The following CNNM2 variants were observed in gnomAD, a reference collection of about 807,000 sequenced individuals.
The protein encoded by CNNM2 is metal transporter CNNM2.
CNNM2 carries 12 observed loss-of-function variants against 66.9 expected under a neutral mutation model. That is an observed-to-expected ratio of 0.18 (90% CI 0.11 to 0.29). The LOEUF (loss-of-function observed/expected upper bound fraction) is 0.29, where lower values mean the gene tolerates loss of function less well. Among genes scored for constraint, CNNM2 ranks in the 10% least tolerant of loss-of-function variants. The pLI is 1.00. For missense variants in CNNM2, 705 were observed against 1,167.7 expected, an observed-to-expected ratio of 0.60 and a Z score of 5.77; for synonymous variants, 557 against 501.8, an observed-to-expected ratio of 1.11 and a Z score of -1.47.
At chr10:103,039,068 G>A (rs1038589128) in intron 1 of CNNM2, among the ~76,000 whole-genome samples, 3 of 152,010 alleles carry the variant, frequency 2.0e-5, no homozygotes, top group Non-Finnish European at 1.5e-5. Context: ...GAAATAGCTA[G>A]GTGATAGTTT....
chr10:103,041,661 A>G (rs1468842968), intron 1 of CNNM2, among the ~76,000 whole-genome samples: 1 of 152,322 alleles, frequency 6.6e-6, no homozygotes, highest in African/African-American at 2.4e-5. Context: ...TATCTCCAGC[A>G]TCTTCTGTCG....
rs565045884 is a variant in CNNM2, at chr10:103,063,838, A to G, written c.2074-4791A>G. On this transcript the variant is annotated intron_variant, in intron 4 of 7. Transcript: ENST00000369878. ...TGTTTCAAAAGTAAAATCAATATGTAGCTTCCTTATATGGAAAAAGTTGTT... is the reference window on the plus strand; with the variant it reads ...TGTTTCAAAAGTAAAATCAATATGTGGCTTCCTTATATGGAAAAAGTTGTT... Among the ~76,000 whole-genome samples the G allele has an allele frequency of 6.6e-5, 10 of 152,352 alleles. No individual in the cohort carries two copies. In the East Asian group the frequency reaches 1.9e-3, roughly 29 times the overall value.
At chr10:102,947,966 T>C (rs891783266) in intron 1 of CNNM2, among the ~76,000 whole-genome samples, 7 of 152,112 alleles carry the variant, frequency 4.6e-5, no homozygotes, top group Admixed American at 2.0e-4. Context: ...GGCAGGAGAA[T>C]GGCGTGAACC....
At chr10:102,944,966 T>G (rs1020859203) in intron 1 of CNNM2, among the ~76,000 whole-genome samples, 1 of 140,826 alleles carries the variant, frequency 7.1e-6, no homozygotes, top group Non-Finnish European at 1.6e-5. Context: ...AATATGGTTT[T>G]GTTTTGTTTT....
At position 103,026,601 on chromosome 10, in the gene CNNM2, CAAA is replaced by C. The variant is rs887780071; in HGVS notation, c.1622-23084_1622-23082del. 9.9e-3 allele frequency among the ~76,000 whole-genome samples: 645 copies of C among 64,854 alleles called. 9 individuals carry two copies. In the East Asian group the frequency reaches 0.11, roughly 11 times the overall value. 42.5% of individuals were successfully genotyped at this position (64,854 alleles called of 152,430 possible). The stretch of plus-strand genomic sequence containing the variant: ...TAGGGACAGAGTGAGACCTTGTCTT[CAAA>C]AAAAAAAAAAAAAAAAAAAAAGGTT... On this transcript the variant is annotated intron_variant, in intron 1 of 7. Transcript: ENST00000369878.
chr10:103,054,538 G>A lies in CNNM2; in HGVS notation c.1903+72G>A. ...GTGTTTCTCACCCACCACTGACTGGGGTGGGTTGGGGGTGGACACTGGGAA... is the reference window on the plus strand; with the variant it reads ...GTGTTTCTCACCCACCACTGACTGGAGTGGGTTGGGGGTGGACACTGGGAA... On this transcript the variant is annotated intron_variant, in intron 3 of 7. Transcript: ENST00000369878. The surrounding 1 kb of genome is among the most constrained non-coding windows in gnomAD (Gnocchi z 5.2). 6.5e-7 allele frequency: 1 copy of A among 1,542,130 alleles called. No individual in the cohort carries two copies. The highest frequency in any genetic ancestry group is 8.8e-7 in the Non-Finnish European group (1 of 1,131,166).
At chr10:102,987,344 G>A (rs970591596) in intron 1 of CNNM2, among the ~76,000 whole-genome samples, 2 of 151,888 alleles carry the variant, frequency 1.3e-5, no homozygotes, top group Non-Finnish European at 2.9e-5. Context: ...ATTTTGAGAC[G>A]GAGTCTCGCT....
In CNNM2 at chr10:102,975,648, T is replaced by C. The variant is rs79562142; in HGVS notation, c.1621+55547T>C. On this transcript the variant is annotated intron_variant, in intron 1 of 7. Transcript: ENST00000369878. ...CCAAGTATGTCAAAACTTGTGTCTG[T>C]GTTGGCAGGACCTGTGAAGCACTCC... is the stretch of plus-strand genomic sequence containing the variant. Among the ~76,000 whole-genome samples the C allele has an allele frequency of 0.015, 2,302 of 152,248 alleles. 60 individuals are homozygous for C. The highest frequency in any genetic ancestry group is 0.052 in the African/African-American group (2,146 of 41,526).
chr10:103,040,626 G>GA (rs1424156106), intron 1 of CNNM2, among the ~76,000 whole-genome samples: 1 of 152,186 alleles, frequency 6.6e-6, no homozygotes, highest in Non-Finnish European at 1.5e-5. Context: ...CACAAAGGTG[G>GA]ATCCGGAGTT....
intron 1 of CNNM2, among the ~76,000 whole-genome samples, chr10:102,971,343 G>A (rs1342458941): frequency 3.3e-5 from 5 of 151,804 alleles, no homozygotes; most frequent in Non-Finnish European, 7.4e-5. Context: ...TGTAGATGAA[G>A]GTATCACGTT....
intron 1 of CNNM2, among the ~76,000 whole-genome samples, chr10:102,963,436 A>G (rs1312202827): frequency 6.6e-6 from 1 of 152,094 alleles, no homozygotes; most frequent in African/African-American, 2.4e-5. Context: ...CAGACACCCA[A>G]TATCATGTTT....
chr10:103,008,314 T>A (rs1322855234), intron 1 of CNNM2, among the ~76,000 whole-genome samples: 1 of 152,166 alleles, frequency 6.6e-6, no homozygotes, highest in Non-Finnish European at 1.5e-5. Context: ...TCCTCAAACA[T>A]TAAGAATTTC....
intron 1 of CNNM2, among the ~76,000 whole-genome samples, chr10:103,023,266 A>G (rs185500492): frequency 4.0e-4 from 61 of 152,266 alleles, no homozygotes; most frequent in African/African-American, 1.4e-3. Context: ...CTCGCCCAAC[A>G]CTGGGCCTGG....
rs189058665 is a variant in CNNM2 at position 102,926,403 on chromosome 10, C to T, written c.1621+6302C>T. ...TCTCTTGGTTTTTATGGGGATTACA[C>T]ACTATCTTTCCTGAAGCATTCTTAA... On this transcript the variant is annotated intron_variant, in intron 1 of 7. Transcript: ENST00000369878. 3.3e-5 allele frequency among the ~76,000 whole-genome samples: 5 copies of T among 152,280 alleles called. No homozygotes were observed. The East Asian group carries it at 9.6e-4, about 29-fold the overall frequency.
At chr10:103,069,262 A>G (rs1372035714) in intron 5 of CNNM2, among the ~76,000 whole-genome samples, 1 of 152,082 alleles carries the variant, frequency 6.6e-6, no homozygotes, top group African/African-American at 2.4e-5. Flanking sequence ...GGCTACTGTC[A>G]ATATGTGGCT....
At chr10:103,031,641 C>A (rs1348542446) in intron 1 of CNNM2, among the ~76,000 whole-genome samples, 1 of 152,140 alleles carries the variant, frequency 6.6e-6, no homozygotes, top group East Asian at 1.9e-4. Context: ...GGTAGAAAGA[C>A]TTGCATGCAG....
At chr10:102,950,968 ATTCT>A (rs1055526960) in intron 1 of CNNM2, among the ~76,000 whole-genome samples, 2 of 146,152 alleles carry the variant, frequency 1.4e-5, no homozygotes, top group Admixed American at 6.9e-5. Flanking sequence ...GGCAATAGGA[ATTCT>A]TTCTTTCTCT....
rs536861619 is a variant in CNNM2, at chr10:103,066,797, A to G, written c.2074-1832A>G. ...TCATGTGCTCGCCTGTCCCTGCTGCATGGTCAGCCCGTGGGGGATGACGGC... is the reference window on the plus strand; with the variant it reads ...TCATGTGCTCGCCTGTCCCTGCTGCGTGGTCAGCCCGTGGGGGATGACGGC... On this transcript the variant is annotated intron_variant, in intron 4 of 7. Transcript: ENST00000369878. Among the ~76,000 whole-genome samples the G allele has an allele frequency of 5.3e-5, 8 of 152,232 alleles. No individual in the cohort carries two copies. In the East Asian group the frequency reaches 1.5e-3, roughly 29 times the overall value.
intron 1 of CNNM2, among the ~76,000 whole-genome samples, chr10:102,926,315 G>A (rs1278462056): frequency 1.3e-5 from 2 of 152,198 alleles, no homozygotes; most frequent in Non-Finnish European, 2.9e-5. Context: ...AGAGACCCTA[G>A]TTAAATACCA....
Sources: allele counts gnomAD v4.1 joint callset (sites outside exome capture counted in the v4.1 genomes callset), GRCh38; gene constraint gnomAD v4.1.1; non-coding constraint Gnocchi (gnomAD v3.1); transcripts MANE v1.5; gene names NCBI Gene and HGNC (gene_info 2026-07-23, HGNC 2026-07-21).